Variants in NEK7 observed in about 807,000 individuals in gnomAD.
NEK7 encodes serine/threonine-protein kinase Nek7.
In NEK7, 18 loss-of-function variants were observed where a neutral mutation model predicts 44.6. That is an observed-to-expected ratio of 0.40 (90% CI 0.28 to 0.60). The LOEUF (loss-of-function observed/expected upper bound fraction) is 0.60, where lower values mean the gene tolerates loss of function less well. NEK7 is among the 20% of genes least tolerant of loss of function. The pLI is 0.38. For missense variants in NEK7, 256 were observed against 366.5 expected, an observed-to-expected ratio of 0.70 and a Z score of 2.46; for synonymous variants, 130 against 121.1, an observed-to-expected ratio of 1.07 and a Z score of -0.48.
chr1:198,298,516 T>C (rs1358610006), intron 9 of NEK7, among the ~76,000 whole-genome samples: 2 of 152,196 alleles, frequency 1.3e-5, no homozygotes, highest in Non-Finnish European at 2.9e-5. Context: ...TTATCTTTAT[T>C]TGATGTTAAT....
At chr1:198,256,576 C>T (rs1653273554) in intron 3 of NEK7, 2 of 1,385,446 alleles carry the variant, frequency 1.4e-6, no homozygotes, top group African/African-American at 2.9e-5. Context: ...TTCAGTGCTT[C>T]CCTTCCTGCT....
intron 7 of NEK7, among the ~76,000 whole-genome samples, chr1:198,290,681 T>C (rs541793140): frequency 6.4e-4 from 97 of 152,312 alleles, no homozygotes; most frequent in African/African-American, 2.3e-3. Context: ...TTACTCATCT[T>C]ATATAATGAC....
At chr1:198,198,015 A>T (rs1404061095) in intron 1 of NEK7, 1 of 1,519,042 alleles carries the variant, frequency 6.6e-7, no homozygotes, top group East Asian at 2.3e-5. Flanking sequence ...GTGGCACAGG[A>T]TGAGGGGGCC....
At chr1:198,190,427 G>A (rs752467203) in intron 1 of NEK7, among the ~76,000 whole-genome samples, 5 of 151,992 alleles carry the variant, frequency 3.3e-5, no homozygotes, top group Non-Finnish European at 5.9e-5. Flanking sequence ...GCTTTTGGAT[G>A]ACTTAAGCTT....
intron 8 of NEK7, among the ~76,000 whole-genome samples, chr1:198,295,622 A>AT (rs1300486055): frequency 0.017 from 2,420 of 145,074 alleles, 64 homozygotes; most frequent in African/African-American, 0.054. Flanking sequence ...GGACATTCAG[A>AT]TTTTTTTTTT....
intron 7 of NEK7, among the ~76,000 whole-genome samples, chr1:198,291,343 T>C (rs1654550061): frequency 6.6e-6 from 1 of 152,198 alleles, no homozygotes; most frequent in Non-Finnish European, 1.5e-5. Flanking sequence ...ATGGAGAGAA[T>C]GTGTGAATAT....
At chr1:198,187,180 G>A (rs1396367662) in intron 1 of NEK7, among the ~76,000 whole-genome samples, 1 of 152,106 alleles carries the variant, frequency 6.6e-6, no homozygotes, top group Non-Finnish European at 1.5e-5. Context: ...ATGTCCTCTG[G>A]GTAGTTTAGC....
Position 198,279,064 on chromosome 1 carries a change from A to G in NEK7, c.589+3A>G, listed in dbSNP as rs1346395490. On this transcript the variant is annotated splice_donor_region_variant and intron_variant, in intron 7 of 9. Transcript: ENST00000367385. ...AACCACAGCTGCACATTCTTTAGGT[A>G]AGAGACACAATATAATTTCATTCAG... The G allele has an allele frequency of 6.4e-7, 1 of 1,555,218 alleles. No individual in the cohort carries two copies. Among genetic ancestry groups the G allele is most frequent in the Admixed American group, 1.7e-5 (1 of 59,708 alleles).
At chr1:198,263,936 T>A (rs1421573743) in intron 4 of NEK7, among the ~76,000 whole-genome samples, 189 bp from the exon 5 acceptor site, 1 of 151,968 alleles carries the variant, frequency 6.6e-6, no homozygotes, top group Non-Finnish European at 1.5e-5. Flanking sequence ...GATAAATTAA[T>A]TTATACCTAG....
chr1:198,212,676 C>T (rs1665809830), intron 1 of NEK7, among the ~76,000 whole-genome samples: 1 of 152,172 alleles, frequency 6.6e-6, no homozygotes, highest in Non-Finnish European at 1.5e-5. Context: ...TGGACAGGGA[C>T]ATTTGGGAGC....
intron 1 of NEK7, among the ~76,000 whole-genome samples, chr1:198,186,515 T>C (rs1664930124): frequency 6.6e-6 from 1 of 152,222 alleles, no homozygotes; most frequent in Admixed American, 6.5e-5. Flanking sequence ...CATAACTAGC[T>C]ACAGAAGTAG....
intron 1 of NEK7, among the ~76,000 whole-genome samples, chr1:198,219,214 A>G (rs1666014777): frequency 1.3e-5 from 2 of 151,092 alleles, no homozygotes; most frequent in African/African-American, 4.8e-5. Flanking sequence ...GTGTGTATAT[A>G]TGTTTTATAT....
chr1:198,205,536 A>G (rs1665568835), intron 1 of NEK7, among the ~76,000 whole-genome samples: 2 of 152,222 alleles, frequency 1.3e-5, no homozygotes, highest in Admixed American at 6.5e-5. Flanking sequence ...ACTTGTTCAT[A>G]GTATGCACTC....
At chr1:198,219,346 A>ATG (rs942713591) in intron 1 of NEK7, among the ~76,000 whole-genome samples, 2 of 151,050 alleles carry the variant, frequency 1.3e-5, no homozygotes, top group African/African-American at 4.8e-5. Flanking sequence ...GTATATATAT[A>ATG]TGTGTGTGTG....
At chr1:198,226,635 G>A (rs1666235100) in intron 1 of NEK7, among the ~76,000 whole-genome samples, 1 of 151,524 alleles carries the variant, frequency 6.6e-6, no homozygotes, top group Non-Finnish European at 1.5e-5. Flanking sequence ...ATATGTATAT[G>A]TTTTCATCCA....
chr1:198,317,298 G>C (rs114202660), intron 9 of NEK7, among the ~76,000 whole-genome samples: 29 of 152,290 alleles, frequency 1.9e-4, no homozygotes, highest in African/African-American at 6.7e-4. Context: ...CCTGTCGCAA[G>C]GTCACCAATT....
At chr1:198,172,912 T>G (rs894404174) in intron 1 of NEK7, among the ~76,000 whole-genome samples, 7 of 152,132 alleles carry the variant, frequency 4.6e-5, no homozygotes, top group Non-Finnish European at 1.0e-4. Context: ...AACAGTTTCT[T>G]TGTGTGGTGG....
intron 2 of NEK7, among the ~76,000 whole-genome samples, chr1:198,250,829 G>A (rs1456241048): frequency 6.7e-6 from 1 of 149,466 alleles, no homozygotes; most frequent in Non-Finnish European, 1.5e-5. Context: ...TCTGCAAACA[G>A]GGACAATTTG....
chr1:198,200,865 A>G (rs1417498912), intron 1 of NEK7, among the ~76,000 whole-genome samples: 1 of 151,980 alleles, frequency 6.6e-6, no homozygotes, highest in Non-Finnish European at 1.5e-5. Flanking sequence ...GGTGCTTTCT[A>G]TACTCCAGTT....
Sources: allele counts gnomAD v4.1 joint callset (sites outside exome capture counted in the v4.1 genomes callset), GRCh38; gene constraint gnomAD v4.1.1; transcripts MANE v1.5; gene names NCBI Gene and HGNC (gene_info 2026-07-23, HGNC 2026-07-21).